Variants in ENPP2 observed in about 807,000 individuals in gnomAD.
ENPP2 encodes autotaxin.
Under a neutral mutation model 120.2 loss-of-function variants are expected in ENPP2, and 51 were observed. The ratio of observed to expected loss-of-function variants is 0.42; its 90% CI spans 0.34 to 0.54. The LOEUF (loss-of-function observed/expected upper bound fraction) is 0.54. Among genes scored for constraint, ENPP2 ranks in the 20% least tolerant of loss-of-function variants. The pLI, the probability that ENPP2 is intolerant of heterozygous loss-of-function variation, is 0.04. For synonymous variants in ENPP2, 365 were observed against 366.4 expected (o/e 1.00, Z 0.04); for missense variants, 920 against 1,066.5 (o/e 0.86, Z 1.91).
chr8:119,593,638 C>A, intron 12 of ENPP2, 114 bp downstream of exon 12: 1 of 674,680 alleles, frequency 1.5e-6, no homozygotes, highest in South Asian at 1.9e-5. Context: ...TTAAAGAAAG[C>A]GGGGATGAGG....
chr8:119,629,078 A>G (rs527720334), intron 2 of ENPP2, among the ~76,000 whole-genome samples: 23 of 152,206 alleles, frequency 1.5e-4, no homozygotes, highest in Non-Finnish European at 2.9e-4. Flanking sequence ...ATATTTATGT[A>G]CAAAATATAT....
At chr8:119,561,048 C>T (rs1277186713) in intron 24 of ENPP2, among the ~76,000 whole-genome samples, 1 of 152,208 alleles carries the variant, frequency 6.6e-6, no homozygotes, top group Non-Finnish European at 1.5e-5. Flanking sequence ...ATTACTACTA[C>T]TACTTTTTAA....
chr8:119,576,962 G>A (rs1812384135), intron 19 of ENPP2, among the ~76,000 whole-genome samples: 1 of 152,084 alleles, frequency 6.6e-6, no homozygotes. Context: ...AATATTTATA[G>A]CAAAATATTG....
chr8:119,633,161 T>G (rs11775668), intron 2 of ENPP2, among the ~76,000 whole-genome samples: 3 of 152,060 alleles, frequency 2.0e-5, no homozygotes, highest in African/African-American at 4.8e-5. Context: ...ATGACAAAAG[T>G]TATGGCCAAA....
At chr8:119,645,671 C>T (rs946352396) in intron 1 of ENPP2, among the ~76,000 whole-genome samples, 1 of 151,888 alleles carries the variant, frequency 6.6e-6, no homozygotes, top group Admixed American at 6.6e-5. Context: ...CAAAATTAGG[C>T]GGGCGTGGTG....
chr8:119,639,793 T>C (rs956633070), upstream of ENPP2, among the ~76,000 whole-genome samples: 1 of 152,218 alleles, frequency 6.6e-6, no homozygotes. Flanking sequence ...TTGAGGCTAT[T>C]GTGGGTACTA....
At chr8:119,575,105 C>T (rs1317814065) in intron 19 of ENPP2, among the ~76,000 whole-genome samples, 2 of 152,120 alleles carry the variant, frequency 1.3e-5, no homozygotes, top group Non-Finnish European at 2.9e-5. Flanking sequence ...TTTTTTAAAT[C>T]TTGGCTTTCT....
At chr8:119,610,431 A>T (rs1815012357) in intron 8 of ENPP2, among the ~76,000 whole-genome samples, 1 of 152,104 alleles carries the variant, frequency 6.6e-6, no homozygotes, top group African/African-American at 2.4e-5. Context: ...GGGGGGGAAA[A>T]AGGCACTAAA....
intron 1 of ENPP2, among the ~76,000 whole-genome samples, chr8:119,643,973 C>A (rs1817355961): frequency 1.3e-5 from 2 of 151,956 alleles, no homozygotes; most frequent in Non-Finnish European, 2.9e-5. Context: ...TATGGCACAT[C>A]CACGAGACAA....
At chr8:119,651,185 A>T (rs1280603834) in intron 1 of ENPP2, among the ~76,000 whole-genome samples, 1 of 152,108 alleles carries the variant, frequency 6.6e-6, no homozygotes, top group African/African-American at 2.4e-5. Context: ...TAAGTTGATA[A>T]AGAGGGGAAG....
intron 1 of ENPP2, among the ~76,000 whole-genome samples, chr8:119,644,934 G>GT (rs1563769257): frequency 6.6e-6 from 1 of 151,828 alleles, no homozygotes; most frequent in East Asian, 1.9e-4. Flanking sequence ...CCACATGAAG[G>GT]TTTTCATTTT....
At chr8:119,673,119 A>G (rs1483243606) in intron 1 of ENPP2, 7 of 734,730 alleles carry the variant, frequency 9.5e-6, no homozygotes, top group Non-Finnish European at 1.6e-5. Flanking sequence ...AGTGCACGGG[A>G]ACACAGCCCA....
chr8:119,611,447 A>G (rs1815102115), intron 8 of ENPP2, among the ~76,000 whole-genome samples: 1 of 152,138 alleles, frequency 6.6e-6, no homozygotes, highest in African/African-American at 2.4e-5. Flanking sequence ...ACTGGGGCCC[A>G]ATGCAGCTGG....
At chr8:119,640,700 CAA>C (rs1208094539), upstream of ENPP2, among the ~76,000 whole-genome samples, 1 of 152,080 alleles carries the variant, frequency 6.6e-6, no homozygotes, top group African/African-American at 2.4e-5. Flanking sequence ...ACCCAATATC[CAA>C]AAGAGTTGAC....
intron 13 of ENPP2, among the ~76,000 whole-genome samples, chr8:119,589,019 G>T (rs923165267): frequency 6.6e-6 from 1 of 152,068 alleles, no homozygotes; most frequent in Non-Finnish European, 1.5e-5. Context: ...TCTATAAAAG[G>T]GATAGTGATA....
intron 12 of ENPP2, chr8:119,592,902 C>A (rs1813638765): frequency 5.1e-6 from 3 of 592,322 alleles, no homozygotes; most frequent in Non-Finnish European, 6.3e-6. Flanking sequence ...CCTTCAGGAC[C>A]AGAGCTAGGG....
chr8:119,624,314 A>T (rs1816118496), intron 3 of ENPP2, among the ~76,000 whole-genome samples: 1 of 152,196 alleles, frequency 6.6e-6, no homozygotes, highest in African/African-American at 2.4e-5. Context: ...CATAAAAAAT[A>T]TTTAACCTTA....
At position 119,603,843 on chromosome 8, in the gene ENPP2, C is replaced by T. The variant is rs542372465; in HGVS notation, c.834-2381G>A. Among the ~76,000 whole-genome samples, 282 of 152,062 alleles carry T rather than the reference C, an allele frequency of 1.9e-3. 3 individuals carry two copies. In the South Asian group the frequency reaches 0.023, roughly 12 times the overall value. ...ACTATTATGGAGGGGTCGTCATTTT[C>T]TTGGGGGAAAGATAAGCAAGTGATA... On this transcript the variant is annotated intron_variant, in intron 9 of 24. Transcript: ENST00000075322.
intron 24 of ENPP2, among the ~76,000 whole-genome samples, chr8:119,557,919 A>C (rs1363255111): frequency 3.3e-5 from 5 of 152,212 alleles, no homozygotes; most frequent in African/African-American, 9.6e-5. Context: ...AACTGTACCA[A>C]ATAAACGAGA....
Sources: gnomAD v4.1 joint callset for allele counts (sites outside exome capture counted in the v4.1 genomes callset) on GRCh38, gnomAD v4.1.1 for gene constraint, MANE v1.5 for transcripts, NCBI Gene and HGNC (gene_info 2026-07-23, HGNC 2026-07-21) for gene names.